WDR27: variants seen among roughly 807,000 people sequenced by gnomAD.
WDR27 encodes the protein WD repeat-containing protein 27.
Under a neutral mutation model 114.4 loss-of-function variants are expected in WDR27, and 100 were observed. The observed-to-expected ratio is 0.87, with a 90% CI of 0.74 to 1.03. WDR27 has a LOEUF of 1.03. Among genes scored for constraint, WDR27 ranks in the 50% least tolerant of loss-of-function variants. WDR27 has a pLI of 0.00. For missense variants in WDR27, 1,129 were observed against 1,092.9 expected, an observed-to-expected ratio of 1.03 and a Z score of -0.47; for synonymous variants, 449 against 423.1, an observed-to-expected ratio of 1.06 and a Z score of -0.75.
chr6:169,649,164 CAAATGTACTTG>C, intron 15 of WDR27, 23 bp downstream of exon 15: 1 of 1,541,602 alleles, frequency 6.5e-7, no homozygotes, highest in Non-Finnish European at 8.8e-7. Flanking sequence ...TAGGTTATTT[CAAATGTACTTG>C]GAATGCACGC....
chr6:169,451,579 ATGTT>A, the WDR27 span, among the ~76,000 whole-genome samples: 1 of 152,242 alleles, frequency 6.6e-6, no homozygotes, highest in African/African-American at 2.4e-5. Flanking sequence ...GAGTAAATGT[ATGTT>A]TAACTTTTTC....
intron 1 of WDR27, among the ~76,000 whole-genome samples, chr6:169,692,949 C>T (rs1321170943): frequency 6.6e-6 from 1 of 152,154 alleles, no homozygotes; most frequent in African/African-American, 2.4e-5. Context: ...TTAGGGAAAG[C>T]TTATATACCC....
intron 21 of WDR27, among the ~76,000 whole-genome samples, chr6:169,622,806 C>G (rs1813694310): frequency 6.6e-6 from 1 of 152,190 alleles, no homozygotes; most frequent in South Asian, 2.1e-4. Flanking sequence ...GAAACCTGAC[C>G]TAACCAGCTC....
At chr6:169,427,256 A>C in the WDR27 span, among the ~76,000 whole-genome samples, 2 of 152,164 alleles carry the variant, frequency 1.3e-5, no homozygotes, top group Non-Finnish European at 2.9e-5. Context: ...CTCTGAAAGA[A>C]GGGAGCAAAG....
chr6:169,634,654 C>A, intron 19 of WDR27, 129 bp from the exon 20 acceptor site: 1 of 601,826 alleles, frequency 1.7e-6, no homozygotes, highest in Non-Finnish European at 2.8e-6. Flanking sequence ...TTTTATGATA[C>A]TGAGGGGAAA....
intron 9 of WDR27, among the ~76,000 whole-genome samples, chr6:169,661,562 G>A (rs998409918): frequency 1.3e-5 from 2 of 152,196 alleles, no homozygotes. Flanking sequence ...AACGACCATC[G>A]TCAACAGAAT....
At position 169,659,021 on chromosome 6, in the gene WDR27, A is replaced by G. The variant is rs148395551; in HGVS notation, c.1319+65T>C. ...AGTTTTCTAATCTTTATTTCTGAAC[A>G]TAGAAATCCAGATGGCACTTATTGG... On this transcript the variant is annotated intron_variant, in intron 12 of 25. Coordinates refer to ENST00000448612, the MANE Select transcript of WDR27 (RefSeq NM_182552.5). The surrounding 1 kb of genome is among the most constrained non-coding windows in gnomAD (Gnocchi z 4.3). 5 of 1,474,990 alleles carry G rather than the reference A, an allele frequency of 3.4e-6. No individual in the cohort carries two copies. The African/African-American group carries it at 5.7e-5, about 17-fold the overall frequency. The allele number at this position is 1,474,990 out of a possible 1,614,324, so 91.4% of individuals were successfully genotyped here. A position where few individuals can be genotyped will look rare whatever the true frequency, so the allele number is the denominator to read the frequency against.
chr6:169,444,176 C>A, the WDR27 span, among the ~76,000 whole-genome samples: 1 of 152,200 alleles, frequency 6.6e-6, no homozygotes, highest in African/African-American at 2.4e-5. Flanking sequence ...TTGCCCATAT[C>A]CTTTATCTAA....
intron 22 of WDR27, among the ~76,000 whole-genome samples, chr6:169,612,208 G>A (rs1156946408): frequency 2.6e-5 from 4 of 151,296 alleles, no homozygotes; most frequent in Non-Finnish European, 5.9e-5. Flanking sequence ...AAGGCGGGCA[G>A]ATCATGAGGT....
In WDR27 at chr6:169,697,490, C is replaced by T. The variant is rs1033467038; in HGVS notation, c.-8+4061G>A. Among the ~76,000 whole-genome samples the T allele has an allele frequency of 9.8e-5, 15 of 152,296 alleles. No homozygotes were observed. In the South Asian group the frequency reaches 1.2e-3, roughly 13 times the overall value. ...CTACTCCTCTACCTCTTGTGGAGGGCCCGACATCAGTCAGGCTCGCCCACT... is the reference window on the plus strand; with the variant it reads ...CTACTCCTCTACCTCTTGTGGAGGGTCCGACATCAGTCAGGCTCGCCCACT... On this transcript the variant is annotated intron_variant, in intron 1 of 25. Coordinates refer to ENST00000448612, the MANE Select transcript of WDR27 (RefSeq NM_182552.5).
At chr6:169,621,665 CGCATATACATACCCACACAT>C (rs1185138593) in intron 21 of WDR27, among the ~76,000 whole-genome samples, 23 of 151,486 alleles carry the variant, frequency 1.5e-4, no homozygotes, top group African/African-American at 4.1e-4. Context: ...CATTCATTCA[CGCATATACATACCCACACAT>C]GCATATACAT....
chr6:169,652,061 T>C, intron 13 of WDR27, 53 bp from the exon 14 acceptor site: 2 of 1,503,270 alleles, frequency 1.3e-6, no homozygotes, highest in South Asian at 1.2e-5. Context: ...TAGCATCTCA[T>C]GATGGACATG....
intron 25 of WDR27, among the ~76,000 whole-genome samples, chr6:169,494,278 G>A (rs1387045005): frequency 6.6e-6 from 1 of 152,040 alleles, no homozygotes; most frequent in Non-Finnish European, 1.5e-5. Flanking sequence ...AGAACAAAAA[G>A]GCCGACTCTC....
chr6:169,638,145 T>C (rs1421861716), intron 18 of WDR27, among the ~76,000 whole-genome samples: 1 of 94,172 alleles, frequency 1.1e-5, no homozygotes, highest in Admixed American at 8.9e-5. Context: ...TGAAACCCCG[T>C]CTCTACTAAA....
Position 169,608,038 on chromosome 6 carries a change from C to T in WDR27, c.2321+5521G>A, listed in dbSNP as rs527992751. 6.4e-4 allele frequency among the ~76,000 whole-genome samples: 97 copies of T among 152,286 alleles called. 3 individuals carry two copies. The South Asian group carries it at 0.02, about 31-fold the overall frequency. ...GCTCCTAGGCTACAAACATGTATAG[C>T]ATGCAACTGTACTAAGCAACTGTAA... On this transcript the variant is annotated intron_variant, in intron 22 of 25. Transcript: ENST00000448612.
At chr6:169,494,810 T>C (rs1790195092) in intron 25 of WDR27, among the ~76,000 whole-genome samples, 1 of 152,194 alleles carries the variant, frequency 6.6e-6, no homozygotes, top group South Asian at 2.1e-4. Context: ...AGGTAAATTT[T>C]CCTGTGGAAT....
rs375986227 is a variant in WDR27 at position 169,457,355 on chromosome 6, C to T, written c.*237G>A. On this transcript the variant is annotated 3_prime_UTR_variant, in exon 26 of 26. Transcript: ENST00000448612. Reference sequence around the variant, plus strand: ...CCAAATTCTGTGCAGAAGTACTGGACGCCATTTCCATTTTCCCAATGAAGG... The same window carrying T: ...CCAAATTCTGTGCAGAAGTACTGGATGCCATTTCCATTTTCCCAATGAAGG... 36 of 413,160 alleles carry T rather than the reference C, an allele frequency of 8.7e-5. No homozygotes were observed. The highest frequency in any genetic ancestry group is 1.8e-4 in the African/African-American group (9 of 49,030). 25.6% of individuals were successfully genotyped at this position (413,160 alleles called of 1,614,324 possible).
chr6:169,478,535 A>C (rs1787516196), intron 25 of WDR27, among the ~76,000 whole-genome samples: 1 of 152,128 alleles, frequency 6.6e-6, no homozygotes, highest in African/African-American at 2.4e-5. Flanking sequence ...ACTAATTTTT[A>C]AAACTCTAGA....
chr6:169,644,864 C>A lies in WDR27; in HGVS notation c.1658-1078G>T, dbSNP rs1455387224. Among the ~76,000 whole-genome samples the A allele has an allele frequency of 9.9e-5, 10 of 101,394 alleles. 1 individual carries two copies. The highest frequency in any genetic ancestry group is 1.3e-4 in the Non-Finnish European group (7 of 54,160). The allele number at this position is 101,394 out of a possible 152,430, so 66.5% of individuals were successfully genotyped here. On this transcript the variant is annotated intron_variant, in intron 16 of 25. Transcript: ENST00000448612. ...CTCTACTAAAAATACAAAAAATTAG[C>A]CGGGCGTAGTGGCGGGCGCCTGTAG... is the stretch of plus-strand genomic sequence containing the variant.
Sources: gnomAD v4.1 joint callset for allele counts (sites outside exome capture counted in the v4.1 genomes callset) on GRCh38, gnomAD v4.1.1 for gene constraint, Gnocchi (gnomAD v3.1) non-coding constraint, MANE v1.5 for transcripts, NCBI Gene and HGNC (gene_info 2026-07-23, HGNC 2026-07-21) for gene names.